Variants in GGT7 observed in about 807,000 individuals in gnomAD.
The protein encoded by GGT7 is gamma-glutamyltransferase 7, also known as glutathione hydrolase 7.
A neutral mutation model predicts 69.2 loss-of-function variants in GGT7; 30 were observed. The observed-to-expected ratio is 0.43, with a 90% CI of 0.32 to 0.59. The LOEUF is 0.59. Among genes scored for constraint, GGT7 ranks in the 20% least tolerant of loss-of-function variants. The pLI is 0.05. For missense variants in GGT7, 733 were observed against 901.1 expected, an observed-to-expected ratio of 0.81 and a Z score of 2.39; for synonymous variants, 388 against 391.8, an observed-to-expected ratio of 0.99 and a Z score of 0.12.
intron 14 of GGT7, 77 bp from the exon 15 acceptor site, chr20:34,845,568 T>C (rs1047387178): frequency 2.3e-6 from 3 of 1,278,398 alleles, no homozygotes; most frequent in Non-Finnish European, 3.3e-6. Flanking sequence ...CAGACCTGAG[T>C]CCTCATCCTG....
At chr20:34,865,928 T>C (rs2079682874) in intron 1 of GGT7, among the ~76,000 whole-genome samples, 1 of 152,246 alleles carries the variant, frequency 6.6e-6, no homozygotes, top group South Asian at 2.1e-4. Flanking sequence ...TTAAAGTTTA[T>C]TCATTCAATT....
intron 14 of GGT7, 98 bp from the exon 15 acceptor site, chr20:34,845,589 C>T (rs1425129828): frequency 2.0e-6 from 2 of 1,013,930 alleles, no homozygotes; most frequent in East Asian, 4.7e-5. Context: ...GCTGCTCCAC[C>T]ACAGAGCTGT....
chr20:34,871,807 G>A (rs1168336409), intron 1 of GGT7, among the ~76,000 whole-genome samples: 2 of 152,200 alleles, frequency 1.3e-5, no homozygotes, highest in African/African-American at 2.4e-5. Flanking sequence ...GGGGATGAAG[G>A]ATGAAGAATG....
At chr20:34,872,235 G>T in intron 1 of GGT7, 1 of 158,194 alleles carries the variant, frequency 6.3e-6, no homozygotes. Context: ...CCTGGCTGTG[G>T]GGAACTTCTC....
In GGT7 at chr20:34,853,540, C is replaced by T. The variant is rs373127547; in HGVS notation, c.1319+991G>A. ...TCATGACACTGCACTCCAGCCTGGG[C>T]GACAGAGCGAGACTCCATCTCAAAA... On this transcript the variant is annotated intron_variant, in intron 10 of 14. Transcript: ENST00000336431. 5.3e-4 allele frequency among the ~76,000 whole-genome samples: 75 copies of T among 141,764 alleles called. No individual in the cohort carries two copies. In the East Asian group the frequency reaches 9.2e-3, roughly 17 times the overall value. 93.0% of individuals were successfully genotyped at this position (141,764 alleles called of 152,430 possible).
At chr20:34,871,729 C>T (rs2079781643) in intron 1 of GGT7, among the ~76,000 whole-genome samples, 1 of 152,092 alleles carries the variant, frequency 6.6e-6, no homozygotes, top group Non-Finnish European at 1.5e-5. Context: ...GCAGGCACTG[C>T]GAGGAAGCGA....
At chr20:34,853,561 C>CAAA (rs200997506) in intron 10 of GGT7, among the ~76,000 whole-genome samples, 33 of 112,500 alleles carry the variant, frequency 2.9e-4, no homozygotes, top group African/African-American at 1.1e-3. Context: ...GACTCCATCT[C>CAAA]AAAAAAAAAA....
At chr20:34,864,955 T>C (rs1222937685) in intron 1 of GGT7, among the ~76,000 whole-genome samples, 1 of 151,968 alleles carries the variant, frequency 6.6e-6, no homozygotes, top group African/African-American at 2.4e-5. Context: ...CTCCAGTAGC[T>C]GTGATTACAG....
At chr20:34,860,432 C>T in intron 4 of GGT7, 111 bp from the exon 5 acceptor site, 1 of 818,494 alleles carries the variant, frequency 1.2e-6, no homozygotes. Context: ...AGGGGAGAGA[C>T]ACAGGCCAAG....
chr20:34,859,744 G>A (rs2079557030), intron 6 of GGT7, 105 bp from the exon 7 acceptor site: 1 of 978,168 alleles, frequency 1.0e-6, no homozygotes. Flanking sequence ...CACCCTAAGT[G>A]CCCTGACCCC....
chr20:34,858,570 C>G (rs934068170), intron 7 of GGT7, among the ~76,000 whole-genome samples: 17 of 152,180 alleles, frequency 1.1e-4, no homozygotes, highest in Non-Finnish European at 1.5e-5. Context: ...TGCATCCTTA[C>G]CATGAACTTA....
intron 13 of GGT7, chr20:34,850,990 C>T (rs1385300119): frequency 3.0e-6 from 2 of 674,008 alleles, no homozygotes; most frequent in East Asian, 5.5e-5. Flanking sequence ...ACTTTTCAAT[C>T]TACTGACCCT....
rs2079805088 is a variant in GGT7 at position 34,872,836 on chromosome 20, A to C, written c.-21T>G. ...GCCATCCTCGCCCGCGCCCCCCAGCAGCGCAGCGCCTGCCGGAAGTGGCTG... is the reference window on the plus strand; with the variant it reads ...GCCATCCTCGCCCGCGCCCCCCAGCCGCGCAGCGCCTGCCGGAAGTGGCTG... On this transcript the variant is annotated 5_prime_UTR_variant, in exon 1 of 15. Transcript: ENST00000336431. The C allele has an allele frequency of 3.0e-6, 4 of 1,325,524 alleles. No individual in the cohort carries two copies. The East Asian group carries it at 9.4e-5, about 31-fold the overall frequency. The allele number at this position is 1,325,524 out of a possible 1,614,324, so 82.1% of individuals were successfully genotyped here.
chr20:34,845,209 C>A lies in GGT7; in HGVS notation c.*119G>T, dbSNP rs1471787678. ...CTCTGGGATTGGGTTTGCTAAGCAT[C>A]CCCTCTGGCCCCTGATCTGGGGCAT... is the stretch of plus-strand genomic sequence containing the variant. On this transcript the variant is annotated 3_prime_UTR_variant, in exon 15 of 15. Coordinates refer to ENST00000336431, the MANE Select transcript of GGT7 (RefSeq NM_178026.3). 5 of 755,110 alleles carry A rather than the reference C, an allele frequency of 6.6e-6. No homozygotes were observed. The highest frequency in any genetic ancestry group is 7.0e-5 in the Admixed American group (2 of 28,490). 46.8% of individuals were successfully genotyped at this position (755,110 alleles called of 1,614,324 possible). A position where few individuals can be genotyped will look rare whatever the true frequency, so the allele number is the denominator to read the frequency against.
In GGT7 at chr20:34,854,693, G is replaced by T. The variant is rs751121806; in HGVS notation, c.1231-74C>A. On this transcript the variant is annotated intron_variant, in intron 9 of 14. Transcript: ENST00000336431. Reference sequence around the variant, plus strand: ...ACCCACACCCAGTGGACTTTCGTGTGTGAGAAAACTTGGAGGGGATTTAGT... The same window carrying T: ...ACCCACACCCAGTGGACTTTCGTGTTTGAGAAAACTTGGAGGGGATTTAGT... 3.8e-6 allele frequency: 6 copies of T among 1,581,004 alleles called. No homozygotes were observed. In the African/African-American group the frequency reaches 6.7e-5, roughly 18 times the overall value.
chr20:34,856,728 C>T (rs1228792826), intron 8 of GGT7, 78 bp downstream of exon 8: 3 of 817,766 alleles, frequency 3.7e-6, no homozygotes, highest in East Asian at 2.6e-5. Flanking sequence ...GGAGAGGAGT[C>T]TCTAGGCCAA....
chr20:34,869,910 C>T (rs1448597641), intron 1 of GGT7, among the ~76,000 whole-genome samples: 1 of 152,144 alleles, frequency 6.6e-6, no homozygotes, highest in African/African-American at 2.4e-5. Context: ...GGGCTTGGAG[C>T]TCAGAAGAAA....
At chr20:34,864,407 G>A (rs1036006511) in intron 1 of GGT7, among the ~76,000 whole-genome samples, 5 of 152,086 alleles carry the variant, frequency 3.3e-5, no homozygotes, top group Non-Finnish European at 5.9e-5. Context: ...CATGGGGAAA[G>A]AGTAGTAAGG....
chr20:34,861,599 A>G, intron 3 of GGT7, 37 bp from the exon 4 acceptor site: 1 of 1,242,240 alleles, frequency 8.0e-7, no homozygotes, highest in South Asian at 1.8e-5. Flanking sequence ...TGATGATAAC[A>G]TGCTACCCCT....
Sources: allele counts gnomAD v4.1 joint callset (sites outside exome capture counted in the v4.1 genomes callset), GRCh38; gene constraint gnomAD v4.1.1; transcripts MANE v1.5; gene names NCBI Gene and HGNC (gene_info 2026-07-23, HGNC 2026-07-21).